Variants in LAMB1 observed in about 807,000 individuals in gnomAD.
LAMB1 encodes the protein laminin subunit beta 1.
A neutral mutation model predicts 222.3 loss-of-function variants in LAMB1; 121 were observed. That is an observed-to-expected ratio of 0.54 (90% CI 0.47 to 0.63). The LOEUF is 0.63. LAMB1 is among the 30% of genes least tolerant of loss of function. The pLI is 0.00. For missense variants in LAMB1, 2,172 were observed against 2,240.8 expected, an observed-to-expected ratio of 0.97 and a Z score of 0.62; for synonymous variants, 794 against 807.2, an observed-to-expected ratio of 0.98 and a Z score of 0.28.
intron 7 of LAMB1, among the ~76,000 whole-genome samples, chr7:107,984,706 T>A (rs2034040608): frequency 1.3e-5 from 2 of 152,226 alleles, no homozygotes; most frequent in South Asian, 4.1e-4. Context: ...CAAGTAAATA[T>A]AAATGACACT....
chr7:107,929,509 G>A lies in LAMB1; in HGVS notation c.4648C>T (p.Arg1550Ter), dbSNP rs1292231609. The A allele has an allele frequency of 8.7e-6, 14 of 1,613,788 alleles. No individual in the cohort carries two copies. Among genetic ancestry groups the A allele is most frequent in the Admixed American group, 6.7e-5 (4 of 59,982 alleles). The change falls in exon 30 of 34, where the codon CGA (arginine) becomes TGA (stop). Residue 1550 changes from arginine (R) to a stop codon, truncating the protein, a stop_gained. Transcript: ENST00000222399. LOFTEE classifies it high-confidence loss of function. ...LQNLTEDIRERVESLSQVEVI... is the reference protein window; with the variant it reads ...LQNLTEDIRE Reference sequence around the variant, plus strand: ...TCTACTTGAGAAAGGCTTTCAACTCGTTCACGTATATCTTCTGTCAAGTTC... The same window carrying A: ...TCTACTTGAGAAAGGCTTTCAACTCATTCACGTATATCTTCTGTCAAGTTC...
intron 13 of LAMB1, among the ~76,000 whole-genome samples, chr7:107,966,297 G>A (rs1485243963): frequency 2.0e-5 from 3 of 151,570 alleles, no homozygotes; most frequent in South Asian, 4.2e-4. Flanking sequence ...TGCAACCTCC[G>A]CCTCTTGGGT....
At chr7:107,961,485 A>G (rs2033499554) in intron 16 of LAMB1, 64 bp downstream of exon 16, 20 of 1,588,608 alleles carry the variant, frequency 1.3e-5, no homozygotes, top group Non-Finnish European at 1.7e-5. Context: ...AACTCGCAAA[A>G]TATTAGAAAA....
chr7:107,939,891 ACCT>A (rs1215811253), intron 25 of LAMB1, 95 bp downstream of exon 25: 5 of 1,385,566 alleles, frequency 3.6e-6, no homozygotes, highest in Non-Finnish European at 5.0e-6. Flanking sequence ...GACTAACAAA[ACCT>A]CCTGATGGAA....
intron 9 of LAMB1, among the ~76,000 whole-genome samples, chr7:107,976,297 G>T (rs2033853588): frequency 6.6e-6 from 1 of 152,056 alleles, no homozygotes; most frequent in African/African-American, 2.4e-5. Context: ...CCTGTCCACG[G>T]GCTCCCTGCT....
chr7:107,970,507 G>GC lies in LAMB1; in HGVS notation c.1562+2484_1562+2485insG, dbSNP rs1015013303. ...CTGTCTCAAAAAAAAAAAAAAAAAGGGGGGGGTGGGCTTCAAGCCAGATAT... is the reference window on the plus strand; with the variant it reads ...CTGTCTCAAAAAAAAAAAAAAAAAGGCGGGGGGTGGGCTTCAAGCCAGATAT... On this transcript the variant is annotated intron_variant, in intron 13 of 33. Coordinates refer to ENST00000222399, the MANE Select transcript of LAMB1 (RefSeq NM_002291.3). Among the ~76,000 whole-genome samples the GC allele has an allele frequency of 2.0e-5, 3 of 146,818 alleles. 1 individual carries two copies. Among genetic ancestry groups the GC allele is most frequent in the Non-Finnish European group, 1.5e-5 (1 of 67,080 alleles).
intron 5 of LAMB1, among the ~76,000 whole-genome samples, chr7:107,987,915 T>TA (rs1005586302): frequency 2.6e-5 from 4 of 152,194 alleles, no homozygotes; most frequent in African/African-American, 9.7e-5. Context: ...CTAAGGGACT[T>TA]ACGTTTTTGC....
chr7:107,924,918 TTTTAGAAAC>T (rs1337828966), intron 32 of LAMB1, among the ~76,000 whole-genome samples: 1 of 152,188 alleles, frequency 6.6e-6, no homozygotes, highest in Non-Finnish European at 1.5e-5. Context: ...AAATGATTCT[TTTTAGAAAC>T]TGTTCAAATA....
Position 107,951,241 on chromosome 7 carries a change from C to T in LAMB1, c.3376G>A (p.Asp1126Asn), listed in dbSNP as rs1422432930. The T allele has an allele frequency of 3.1e-6, 5 of 1,614,102 alleles. No homozygotes were observed. Among genetic ancestry groups the T allele is most frequent in the East Asian group, 2.2e-5 (1 of 44,878 alleles). The change falls in exon 24 of 34, where the codon GAC becomes AAC. Residue 1126 changes from aspartate (D) to asparagine (N), a missense_variant. Physicochemically the swap from Asp to Asn is conservative, Grantham distance 23 (BLOSUM62 1). Coordinates refer to ENST00000222399, the MANE Select transcript of LAMB1 (RefSeq NM_002291.3). ...CACAACTCACCTCGGCACTCCACGT[C>T]GGGGTCTCCCCAGAAGAGTTCCTGG... ...ECQELFWGDP[D>N]VECRACDCDP...
chr7:107,940,045 C>T lies in LAMB1; in HGVS notation c.3705G>A (p.Ala1235=), dbSNP rs567430447. The T allele has an allele frequency of 2.1e-5, 34 of 1,614,124 alleles. No individual in the cohort carries two copies. The highest frequency in any genetic ancestry group is 3.3e-5 in the Admixed American group (2 of 60,028). The change falls in exon 25 of 34, where the codon GCG becomes GCA. Residue 1235 remains alanine, a synonymous_variant. Transcript: ENST00000222399. ...RKVSEIKDIL[A]QSPAAEPLKN... Reference sequence around the variant, plus strand: ...TCAGTGGCTCTGCTGCGGGGCTCTGCGCCAGGATGTCTTTTATCTCGCTGA... The same window carrying T: ...TCAGTGGCTCTGCTGCGGGGCTCTGTGCCAGGATGTCTTTTATCTCGCTGA...
chr7:107,940,209 G>A lies in LAMB1; in HGVS notation c.3541C>T (p.Gln1181Ter). 6.2e-7 allele frequency: 1 copy of A among 1,614,188 alleles called. No individual in the cohort carries two copies. The highest frequency in any genetic ancestry group is 2.2e-5 in the East Asian group (1 of 44,878). Residue 1181 changes from glutamine (Q) to a stop codon, truncating the protein, a stop_gained, in exon 25 of 34, where the codon CAG becomes TAG. Coordinates refer to ENST00000222399, the MANE Select transcript of LAMB1 (RefSeq NM_002291.3). LOFTEE classifies it high-confidence loss of function. ...ATCACATCCCAGAGAGCAAAGCACT[G>A]GTGGCAGGGTGTGCAGTCAGGGAAG... ...GVFPDCTPCH[Q>*]CFALWDVIIA...
chr7:107,955,460 G>T lies in LAMB1; in HGVS notation c.2854+7C>A, dbSNP rs745945945. The stretch of plus-strand genomic sequence containing the variant: ...TCTTTGCCTCCCAAAGTATGCACAC[G>T]ACTTACCAATGTATCCAGGATCACA... On this transcript the variant is annotated splice_region_variant and intron_variant, in intron 21 of 33. Coordinates refer to ENST00000222399, the MANE Select transcript of LAMB1 (RefSeq NM_002291.3). 2 of 1,609,806 alleles carry T rather than the reference G, an allele frequency of 1.2e-6. No homozygotes were observed. Among genetic ancestry groups the T allele is most frequent in the Non-Finnish European group, 1.7e-6 (2 of 1,177,772 alleles).
intron 30 of LAMB1, 39 bp from the exon 31 acceptor site, chr7:107,929,244 C>T (rs1210744043): frequency 6.2e-7 from 1 of 1,608,934 alleles, no homozygotes; most frequent in African/African-American, 1.3e-5. Flanking sequence ...TGTTGCTGAA[C>T]ATGAAAAAAG....
chr7:107,988,361 C>T (rs530307740), intron 5 of LAMB1, among the ~76,000 whole-genome samples: 1 of 152,264 alleles, frequency 6.6e-6, no homozygotes, highest in African/African-American at 2.4e-5. Context: ...TGGCACTCAG[C>T]TGCAAGAATG....
At position 107,978,070 on chromosome 7, in the gene LAMB1, C is replaced by T. The variant is rs1328591622; in HGVS notation, c.977G>A (p.Gly326Asp). 1.1e-5 allele frequency: 18 copies of T among 1,614,146 alleles called. No homozygotes were observed. Among genetic ancestry groups the T allele is most frequent in the Non-Finnish European group, 1.5e-5 (18 of 1,180,030 alleles). ...YHDLPWRPAEGRNSNACKKCN... is the reference protein window; with the variant it reads ...YHDLPWRPAEDRNSNACKKCN... Reference sequence around the variant, plus strand: ...ACTTTTACAGGCGTTGCTGTTTCGGCCTTCAGCAGGTCTCCAAGGTAAATC... The same window carrying T: ...ACTTTTACAGGCGTTGCTGTTTCGGTCTTCAGCAGGTCTCCAAGGTAAATC... Residue 326 changes from glycine (G) to aspartate (D), a missense_variant, in exon 9 of 34, where the codon GGC becomes GAC. Physicochemically the swap from Gly to Asp is moderately conservative, Grantham distance 94 (BLOSUM62 -1). Coordinates refer to ENST00000222399, the MANE Select transcript of LAMB1 (RefSeq NM_002291.3).
intron 24 of LAMB1, 44 bp downstream of exon 24, chr7:107,951,182 C>T: frequency 2.1e-6 from 3 of 1,452,302 alleles, no homozygotes; most frequent in South Asian, 2.3e-5. Flanking sequence ...CCCCAGTTCC[C>T]TCCACTCTCT....
chr7:107,999,580 C>G (rs1033000034), intron 3 of LAMB1, among the ~76,000 whole-genome samples: 1 of 152,130 alleles, frequency 6.6e-6, no homozygotes, highest in Non-Finnish European at 1.5e-5. Flanking sequence ...GTCTAAAAAA[C>G]AGAGACCCAA....
At position 107,960,571 on chromosome 7, in the gene LAMB1, C is replaced by T. The variant is rs1472494247; in HGVS notation, c.2188G>A (p.Ala730Thr). The change falls in exon 18 of 34, where the codon GCC becomes ACC. Residue 730 changes from alanine to threonine, a missense_variant. Ala to Thr is a moderately conservative substitution (Grantham distance 58). Transcript: ENST00000222399. ...CGGTATCTCTGAAAGGTTTCCCAGG[C>T]ACTGTTGGTGACCACCCCATCTCCT... ...GSGDGVVTNSAWETFQRYRCL... is the reference protein window; with the variant it reads ...GSGDGVVTNSTWETFQRYRCL... 3 of 1,614,174 alleles carry T rather than the reference C, an allele frequency of 1.9e-6. No homozygotes were observed. Among genetic ancestry groups the T allele is most frequent in the Non-Finnish European group, 2.5e-6 (3 of 1,179,978 alleles).
intron 25 of LAMB1, among the ~76,000 whole-genome samples, chr7:107,938,535 T>G (rs977762359): frequency 9.9e-5 from 15 of 152,216 alleles, no homozygotes; most frequent in Non-Finnish European, 4.4e-5. Context: ...AGTTTTCCTG[T>G]GATTATTACA....
Sources: allele counts gnomAD v4.1 joint callset (sites outside exome capture counted in the v4.1 genomes callset), GRCh38; gene constraint gnomAD v4.1.1; transcripts MANE v1.5; gene names NCBI Gene and HGNC (gene_info 2026-07-23, HGNC 2026-07-21).